Variants in CNOT2 observed in about 807,000 individuals in gnomAD.
CNOT2 encodes the protein CC chemokine receptor 4-negative regulator of transcription 2.
Under a neutral mutation model 72.1 loss-of-function variants are expected in CNOT2, and 7 were observed. The observed-to-expected ratio is 0.10, with a 90% CI of 0.06 to 0.18. The LOEUF (loss-of-function observed/expected upper bound fraction) is 0.18, where lower values mean the gene tolerates loss of function less well. Ranked by LOEUF, CNOT2 falls within the 10% of genes least tolerant of loss-of-function variation. The pLI, the probability that CNOT2 is intolerant of heterozygous loss-of-function variation, is 1.00. For missense variants in CNOT2, 345 were observed against 660.3 expected (o/e 0.52, Z 5.23); for synonymous variants, 196 against 225.6 (o/e 0.87, Z 1.17).
intron 1 of CNOT2, among the ~76,000 whole-genome samples, chr12:70,257,108 A>G (rs963649809): frequency 1.3e-5 from 2 of 152,140 alleles, no homozygotes; most frequent in South Asian, 2.1e-4. Flanking sequence ...TTATTTCTTT[A>G]GAAGAAATTT....
intron 7 of CNOT2, among the ~76,000 whole-genome samples, chr12:70,333,473 T>C (rs778238098): frequency 1.3e-5 from 2 of 151,906 alleles, no homozygotes; most frequent in Non-Finnish European, 2.9e-5. Context: ...GTTGCTATTT[T>C]GCTTTAGGTT....
intron 1 of CNOT2, among the ~76,000 whole-genome samples, chr12:70,271,341 G>A (rs906992326): frequency 6.7e-6 from 1 of 149,696 alleles, no homozygotes; most frequent in African/African-American, 2.5e-5. Context: ...AAGAGGGATA[G>A]GATTACCAAA....
intron 15 of CNOT2, among the ~76,000 whole-genome samples, chr12:70,348,503 G>T (rs928762260): frequency 1.3e-5 from 2 of 151,996 alleles, no homozygotes; most frequent in Non-Finnish European, 2.9e-5. Context: ...TTTGGAAGAA[G>T]AAAAAAATTT....
intron 1 of CNOT2, among the ~76,000 whole-genome samples, chr12:70,249,693 A>G (rs1313673138): frequency 6.6e-6 from 1 of 152,110 alleles, no homozygotes; most frequent in Non-Finnish European, 1.5e-5. Context: ...TTTTGTTTCA[A>G]GCTTGACTTT....
At chr12:70,307,819 A>G (rs1487707570) in intron 2 of CNOT2, 1 of 151,708 alleles carries the variant, frequency 6.6e-6, no homozygotes, top group Admixed American at 6.6e-5. Flanking sequence ...ATCATTATCT[A>G]TCACTGGCCT....
intron 3 of CNOT2, among the ~76,000 whole-genome samples, chr12:70,312,942 T>C (rs1160963349): frequency 6.6e-6 from 1 of 152,036 alleles, no homozygotes; most frequent in Non-Finnish European, 1.5e-5. Context: ...ATTTTATGCT[T>C]TAAATATTTT....
At chr12:70,347,918 T>C (rs538885569) in intron 15 of CNOT2, 3 of 152,348 alleles carry the variant, frequency 2.0e-5, no homozygotes, top group East Asian at 1.9e-4. Flanking sequence ...TTTTAAGATA[T>C]GTAGTATACA....
intron 7 of CNOT2, among the ~76,000 whole-genome samples, chr12:70,333,308 T>C (rs748829099): frequency 1.6e-4 from 24 of 152,070 alleles, no homozygotes; most frequent in Non-Finnish European, 8.8e-5. Context: ...AATACTAATG[T>C]TGGCATTTAA....
At chr12:70,318,765 G>T (rs750822422) in intron 3 of CNOT2, among the ~76,000 whole-genome samples, 1 of 151,702 alleles carries the variant, frequency 6.6e-6, no homozygotes, top group African/African-American at 2.4e-5. Context: ...CAGGAAATAC[G>T]CAAATATGCA....
intron 9 of CNOT2, chr12:70,338,182 T>C (rs947347874): frequency 1.0e-5 from 3 of 293,034 alleles, no homozygotes; most frequent in African/African-American, 2.2e-5. Flanking sequence ...TTTTTTTTTT[T>C]CTGTGACTGA....
At chr12:70,267,303 G>T (rs568409755) in intron 1 of CNOT2, among the ~76,000 whole-genome samples, 1 of 152,278 alleles carries the variant, frequency 6.6e-6, no homozygotes, top group South Asian at 2.1e-4. Flanking sequence ...CTTCCTTCTA[G>T]TTTTGGTGGT....
intron 1 of CNOT2, among the ~76,000 whole-genome samples, chr12:70,257,353 CCT>C (rs1491147421): frequency 1.2e-3 from 162 of 139,000 alleles, no homozygotes; most frequent in Middle Eastern, 7.2e-3. Flanking sequence ...CCAACTACCC[CCT>C]TTTTTTTTTT....
intron 7 of CNOT2, among the ~76,000 whole-genome samples, chr12:70,333,276 G>A (rs898252264): frequency 5.3e-5 from 8 of 151,780 alleles, no homozygotes; most frequent in African/African-American, 1.2e-4. Context: ...GAACACTTAC[G>A]TTTTTTCTTA....
In CNOT2 at chr12:70,337,529, G is replaced by A. The variant is rs1373325677; in HGVS notation, c.900+16G>A. 2 of 1,608,806 alleles carry A rather than the reference G, an allele frequency of 1.2e-6. No homozygotes were observed. The highest frequency in any genetic ancestry group is 1.3e-5 in the African/African-American group (1 of 74,894). On this transcript the variant is annotated intron_variant, in intron 9 of 15. Transcript: ENST00000229195. ...CAGTAAATCTGTAAGTAACTGAGAA[G>A]TGTGTATGTGAGTGATGTAGTTTTT...
At chr12:70,338,604 CT>C (rs755142719) in intron 10 of CNOT2, 41 bp downstream of exon 10, 3 of 1,596,404 alleles carry the variant, frequency 1.9e-6, no homozygotes, top group South Asian at 1.1e-5. Flanking sequence ...TTATAGAATG[CT>C]TTTTTTTCTA....
intron 3 of CNOT2, among the ~76,000 whole-genome samples, chr12:70,316,895 T>A (rs990007305): frequency 3.3e-5 from 5 of 152,138 alleles, no homozygotes; most frequent in African/African-American, 1.2e-4. Flanking sequence ...GAAAGTAGAC[T>A]AAAATGTGTG....
intron 4 of CNOT2, among the ~76,000 whole-genome samples, chr12:70,328,787 AC>A (rs1879476193): frequency 1.3e-5 from 2 of 151,224 alleles, no homozygotes. Context: ...CTAGATAAAT[AC>A]AGGGGCATTA....
intron 1 of CNOT2, among the ~76,000 whole-genome samples, chr12:70,264,596 G>A (rs2135749759): frequency 6.6e-6 from 1 of 152,248 alleles, no homozygotes; most frequent in South Asian, 2.1e-4. Flanking sequence ...TAGAGCCTCT[G>A]CCTGTGTTTT....
At chr12:70,352,638 C>T (rs1268892841) in intron 15 of CNOT2, among the ~76,000 whole-genome samples, 1 of 152,116 alleles carries the variant, frequency 6.6e-6, no homozygotes, top group African/African-American at 2.4e-5. Flanking sequence ...ACATATTAAG[C>T]TTCATAATTC....
Sources: allele counts gnomAD v4.1 joint callset (sites outside exome capture counted in the v4.1 genomes callset), GRCh38; gene constraint gnomAD v4.1.1; transcripts MANE v1.5; gene names NCBI Gene and HGNC (gene_info 2026-07-23, HGNC 2026-07-21).